SAMMSON: variants seen among roughly 807,000 people sequenced by gnomAD.
SAMMSON encodes long intergenic non-protein coding RNA 1212.
chr3:70,331,119 G>T (rs941269015), intron 7 of SAMMSON, among the ~76,000 whole-genome samples: 4 of 152,080 alleles, frequency 2.6e-5, no homozygotes, highest in Non-Finnish European at 4.4e-5. Flanking sequence ...ATCCTTCAAC[G>T]TATGAGCTCT....
At position 70,186,216 on chromosome 3, in the gene SAMMSON, T is replaced by TA. The variant is rs1233364322; in HGVS notation, n.508-62883dup. Among the ~76,000 whole-genome samples, 16 of 151,380 alleles carry TA rather than the reference T, an allele frequency of 1.1e-4. 1 individual carries two copies. Among genetic ancestry groups the TA allele is most frequent in the Admixed American group, 9.9e-4 (15 of 15,208 alleles). On this transcript the variant is annotated intron_variant and non_coding_transcript_variant, in intron 4 of 9. Transcript: ENST00000642114. ...AATGACCATATAGTCATTCATTGTA[T>TA]AAAAAAAACAAATCTCAGTAATGTT...
chr3:70,234,212 G>A (rs1291564499), intron 4 of SAMMSON, among the ~76,000 whole-genome samples: 1 of 152,160 alleles, frequency 6.6e-6, no homozygotes, highest in Non-Finnish European at 1.5e-5. Context: ...AAGTATTCTA[G>A]ACACTTAGAG....
chr3:70,215,819 G>A (rs545372843), intron 4 of SAMMSON, among the ~76,000 whole-genome samples: 4 of 152,192 alleles, frequency 2.6e-5, no homozygotes, highest in South Asian at 2.1e-4. Context: ...TAAAGGTGGC[G>A]TGTCTTGGTT....
intron 6 of SAMMSON, among the ~76,000 whole-genome samples, chr3:70,265,669 A>C (rs1701910669): frequency 6.6e-6 from 1 of 152,252 alleles, no homozygotes; most frequent in South Asian, 2.1e-4. Flanking sequence ...CAAATGTATT[A>C]GTCCATTCTC....
chr3:70,009,594 G>T (rs889741486), intron 1 of SAMMSON, among the ~76,000 whole-genome samples: 57 of 151,792 alleles, frequency 3.8e-4, no homozygotes, highest in Admixed American at 7.2e-4. Flanking sequence ...ACCAGCTCCT[G>T]GATTCATTGA....
chr3:70,172,796 G>C (rs1464540059), intron 4 of SAMMSON: 1 of 151,828 alleles, frequency 6.6e-6, no homozygotes, highest in Admixed American at 6.6e-5. Flanking sequence ...TTTTAACAGG[G>C]CACACTTCCT....
At chr3:70,225,727 G>A (rs1160252980) in intron 4 of SAMMSON, among the ~76,000 whole-genome samples, 1 of 152,134 alleles carries the variant, frequency 6.6e-6, no homozygotes, top group East Asian at 1.9e-4. Context: ...AAAGTAGAAC[G>A]ATAGTTTGGT....
intron 1 of SAMMSON, among the ~76,000 whole-genome samples, chr3:70,008,222 T>C (rs1042152577): frequency 3.9e-5 from 6 of 152,154 alleles, no homozygotes; most frequent in African/African-American, 1.4e-4. Context: ...ATTGAATCTC[T>C]AAATTACCTT....
At chr3:70,370,926 T>C (rs1000587665) in intron 9 of SAMMSON, among the ~76,000 whole-genome samples, 1 of 152,146 alleles carries the variant, frequency 6.6e-6, no homozygotes, top group African/African-American at 2.4e-5. Flanking sequence ...CTAGGTTTTC[T>C]TCTAGTATCC....
chr3:70,002,155 A>C (rs1478844004), intron 1 of SAMMSON, among the ~76,000 whole-genome samples: 1 of 152,212 alleles, frequency 6.6e-6, no homozygotes, highest in Non-Finnish European at 1.5e-5. Flanking sequence ...AAAAGGTCAG[A>C]ATATACGTCT....
At chr3:70,315,521 A>C (rs1702488292) in intron 7 of SAMMSON, among the ~76,000 whole-genome samples, 1 of 152,172 alleles carries the variant, frequency 6.6e-6, no homozygotes, top group East Asian at 1.9e-4. Flanking sequence ...ACAGACACCA[A>C]GTACTTTTTC....
intron 2 of SAMMSON, among the ~76,000 whole-genome samples, chr3:70,399,937 T>G (rs913158097): frequency 1.7e-4 from 25 of 148,366 alleles, no homozygotes; most frequent in African/African-American, 6.3e-4. Context: ...TGTATATCAG[T>G]TTTTCTCATT....
chr3:70,020,548 G>A (rs1219114367), intron 3 of SAMMSON, among the ~76,000 whole-genome samples: 1 of 152,100 alleles, frequency 6.6e-6, no homozygotes, highest in Non-Finnish European at 1.5e-5. Context: ...GGTGTTTATT[G>A]CAGAGTCTTC....
intron 3 of SAMMSON, among the ~76,000 whole-genome samples, chr3:70,035,548 CA>C (rs2107584986): frequency 6.6e-6 from 1 of 152,250 alleles, no homozygotes; most frequent in East Asian, 1.9e-4. Context: ...AGCAATTCAG[CA>C]AATGTTATGC....
intron 7 of SAMMSON, among the ~76,000 whole-genome samples, chr3:70,344,627 C>T (rs1702737085): frequency 6.6e-6 from 1 of 152,214 alleles, no homozygotes; most frequent in African/African-American, 2.4e-5. Flanking sequence ...AACACGTGCC[C>T]ATGTGGGCTT....
At chr3:70,108,969 T>C (rs1236086179) in intron 4 of SAMMSON, among the ~76,000 whole-genome samples, 1 of 152,142 alleles carries the variant, frequency 6.6e-6, no homozygotes, top group African/African-American at 2.4e-5. Flanking sequence ...CTAAAAATCA[T>C]TATAGTATCT....
intron 7 of SAMMSON, among the ~76,000 whole-genome samples, chr3:70,321,234 C>G (rs932065617): frequency 6.6e-6 from 1 of 152,032 alleles, no homozygotes; most frequent in Admixed American, 6.6e-5. Context: ...TTTCCTCAAC[C>G]CTTTGTAATC....
At chr3:70,322,845 A>G (rs929122126) in intron 7 of SAMMSON, among the ~76,000 whole-genome samples, 1 of 152,152 alleles carries the variant, frequency 6.6e-6, no homozygotes, top group Non-Finnish European at 1.5e-5. Flanking sequence ...GTGTCCCTAA[A>G]TTATAAAATT....
chr3:70,408,516 G>A (rs2106767158), intron 2 of SAMMSON, among the ~76,000 whole-genome samples: 1 of 152,170 alleles, frequency 6.6e-6, no homozygotes, highest in East Asian at 1.9e-4. Flanking sequence ...AAATCTCTAG[G>A]GCAGGGGCAA....
Sources: allele counts gnomAD v4.1 joint callset (sites outside exome capture counted in the v4.1 genomes callset), GRCh38; gene constraint gnomAD v4.1.1; transcripts MANE v1.5; gene names NCBI Gene and HGNC (gene_info 2026-07-23, HGNC 2026-07-21).